The following FAM117A variants were observed in gnomAD, a reference collection of about 807,000 sequenced individuals.
The protein encoded by FAM117A is protein FAM117A.
A neutral mutation model predicts 44.1 loss-of-function variants in FAM117A; 21 were observed. The ratio of observed to expected loss-of-function variants is 0.48; its 90% CI spans 0.34 to 0.69. FAM117A has a LOEUF of 0.69. Among genes scored for constraint, FAM117A ranks in the 30% least tolerant of loss-of-function variants. FAM117A has a pLI of 0.01. For missense variants in FAM117A, 498 were observed against 589.9 expected (o/e 0.84, Z 1.61); for synonymous variants, 220 against 238.3 (o/e 0.92, Z 0.71).
At chr17:49,779,397 T>C (rs948198444) in intron 1 of FAM117A, among the ~76,000 whole-genome samples, 2 of 152,216 alleles carry the variant, frequency 1.3e-5, no homozygotes, top group African/African-American at 2.4e-5. Flanking sequence ...TGGCTGTCAC[T>C]GGGGAGCCCC....
chr17:49,788,817 G>T, upstream of FAM117A: 1 of 1,582,900 alleles, frequency 6.3e-7, no homozygotes, highest in East Asian at 2.4e-5. Flanking sequence ...CGGAACCGTC[G>T]GGCCGCAGCC....
At chr17:49,783,365 C>T (rs996560702) in intron 1 of FAM117A, among the ~76,000 whole-genome samples, 8 of 151,556 alleles carry the variant, frequency 5.3e-5, no homozygotes, top group African/African-American at 1.2e-4. Flanking sequence ...AGATGAAGGG[C>T]AGAGGTGGGA....
intron 1 of FAM117A, 76 bp from the exon 2 acceptor site, chr17:49,732,796 A>G: frequency 6.7e-7 from 1 of 1,495,328 alleles, no homozygotes. Flanking sequence ...TCCTCTTCTA[A>G]GAGATGTGGC....
rs967679314 is a variant in FAM117A at position 49,719,856 on chromosome 17, C to T, written c.612G>A (p.Leu204=). 1 of 1,607,524 alleles carries T rather than the reference C, an allele frequency of 6.2e-7. No individual in the cohort carries two copies. Among genetic ancestry groups the T allele is most frequent in the East Asian group, 2.2e-5 (1 of 44,484 alleles). ...TCCTGTGCAGGCAGGGGCTGAGTCG[C>T]AAGACAGGGGACCCTGAGGGGAAGC... The part of the protein sequence containing the change: ...PPSFPSGSPV[L]RLSPCLHRSL... The change falls in exon 5 of 8, where the codon TTG becomes TTA. Residue 204 remains leucine, a synonymous_variant. Transcript: ENST00000240364.
chr17:49,722,684 C>A, intron 2 of FAM117A, 90 bp from the exon 3 acceptor site: 1 of 984,542 alleles, frequency 1.0e-6, no homozygotes. Flanking sequence ...AGGTGATGGC[C>A]CTTTGAGCCC....
intron 1 of FAM117A, among the ~76,000 whole-genome samples, chr17:49,782,162 T>G (rs2073791418): frequency 6.6e-6 from 1 of 150,670 alleles, no homozygotes. Flanking sequence ...GATCACGAGG[T>G]CAGGAGATCG....
intron 1 of FAM117A, among the ~76,000 whole-genome samples, chr17:49,770,361 A>T (rs1372680270): frequency 6.6e-6 from 1 of 152,042 alleles, no homozygotes; most frequent in Non-Finnish European, 1.5e-5. Flanking sequence ...GCATGAATCG[A>T]CCTTGAAAAA....
chr17:49,784,077 C>A (rs912306620), intron 1 of FAM117A, among the ~76,000 whole-genome samples: 1 of 152,212 alleles, frequency 6.6e-6, no homozygotes, highest in African/African-American at 2.4e-5. Context: ...AGGCAAGGCT[C>A]CTAACCTCTG....
intron 1 of FAM117A, among the ~76,000 whole-genome samples, chr17:49,738,795 A>C (rs1469769825): frequency 6.6e-6 from 1 of 152,206 alleles, no homozygotes; most frequent in Non-Finnish European, 1.5e-5. Flanking sequence ...GAAATAAGGG[A>C]GGGGACTTTT....
In FAM117A at chr17:49,720,429, T is replaced by C; in HGVS notation, c.470A>G (p.Lys157Arg). Reference protein sequence around the residue: ...GSTDHRKEISKLKQQLQRTKL... With the variant: ...GSTDHRKEISRLKQQLQRTKL... ...CGTCCTCTGCAGTTGTTGCTTCAAC[T>C]TGGAAATCTAGCAGCCCAGAGAGAA... Residue 157 changes from lysine to arginine, a missense_variant, in exon 4 of 8, where the codon AAG becomes AGG. Transcript: ENST00000240364. The C allele has an allele frequency of 1.9e-6, 3 of 1,613,020 alleles. No individual in the cohort carries two copies. Among genetic ancestry groups the C allele is most frequent in the Non-Finnish European group, 2.5e-6 (3 of 1,179,980 alleles).
chr17:49,723,669 GA>G (rs545103982), intron 2 of FAM117A, among the ~76,000 whole-genome samples: 16 of 152,006 alleles, frequency 1.1e-4, no homozygotes, highest in African/African-American at 3.9e-4. Context: ...GGAGGACGGG[GA>G]AAAAAACCCA....
intron 1 of FAM117A, among the ~76,000 whole-genome samples, chr17:49,745,666 G>A (rs1350869077): frequency 2.0e-5 from 3 of 152,178 alleles, no homozygotes; most frequent in Non-Finnish European, 4.4e-5. Flanking sequence ...AGGAAATACA[G>A]GGGATAGAGG....
chr17:49,736,271 T>C (rs1309470240), intron 1 of FAM117A, among the ~76,000 whole-genome samples: 1 of 152,090 alleles, frequency 6.6e-6, no homozygotes, highest in Non-Finnish European at 1.5e-5. Flanking sequence ...TTTTTTTTTT[T>C]TTTGAGACGG....
Position 49,711,368 on chromosome 17 carries a change from G to A in FAM117A, c.1249C>T (p.Pro417Ser). 1 of 1,611,124 alleles carries A rather than the reference G, an allele frequency of 6.2e-7. No individual in the cohort carries two copies. The highest frequency in any genetic ancestry group is 8.5e-7 in the Non-Finnish European group (1 of 1,178,598). Reference protein sequence around the residue: ...SPLPPASPRPPPRKDPEASKA... With the variant: ...SPLPPASPRPSPRKDPEASKA... ...GAGGCTTCCGGATCCTTCCGAGGTG[G>A]TGGCCTGGGGCTGGCCGGGGGAAGG... Residue 417 changes from proline to serine, a missense_variant, in exon 8 of 8, where the codon CCA (proline) becomes TCA (serine). By Grantham distance (74) the Pro-to-Ser change is moderately conservative. Around this residue, in one of 3 missense-constraint regions of FAM117A, gnomAD observed 224 missense variants for 296.5 expected, o/e 0.76. Coordinates refer to ENST00000240364, the MANE Select transcript of FAM117A (RefSeq NM_030802.4).
chr17:49,724,226 C>T (rs2073548732), intron 2 of FAM117A, among the ~76,000 whole-genome samples: 1 of 152,164 alleles, frequency 6.6e-6, no homozygotes, highest in Non-Finnish European at 1.5e-5. Context: ...CTCCTCAAGG[C>T]TCCAGGACCA....
intron 1 of FAM117A, among the ~76,000 whole-genome samples, chr17:49,772,555 T>TC (rs1396062523): frequency 6.7e-6 from 1 of 150,262 alleles, no homozygotes; most frequent in Non-Finnish European, 1.5e-5. Flanking sequence ...ATCGAGACCA[T>TC]CCTGGCTAAC....
rs192931187 is a variant in FAM117A, at chr17:49,776,710, A to G, written c.-621+11787T>C. On this transcript the variant is annotated intron_variant, in intron 1 of 7. Transcript: ENST00000513602. ...CCATGAAGGAGAAACCAGAAGATTA[A>G]AGGAGGAGGAGGCTGGCGCTGCCCT... 7.9e-4 allele frequency among the ~76,000 whole-genome samples: 120 copies of G among 152,268 alleles called. No homozygotes were observed. In the Middle Eastern group the frequency reaches 0.01, roughly 13 times the overall value.
At chr17:49,727,266 G>A (rs1598022962) in intron 2 of FAM117A, among the ~76,000 whole-genome samples, 1 of 152,030 alleles carries the variant, frequency 6.6e-6, no homozygotes. Context: ...CAATTGGCCG[G>A]GCATGGTTGC....
chr17:49,741,986 A>G (rs2073636384), intron 1 of FAM117A, among the ~76,000 whole-genome samples: 1 of 152,188 alleles, frequency 6.6e-6, no homozygotes, highest in Admixed American at 6.5e-5. Flanking sequence ...AAAAAATTAA[A>G]TCTGGAGCTG....
Sources: allele counts gnomAD v4.1 joint callset (sites outside exome capture counted in the v4.1 genomes callset), GRCh38; gene constraint gnomAD v4.1.1; regional missense constraint gnomAD v4.1.1; transcripts MANE v1.5; gene names NCBI Gene and HGNC (gene_info 2026-07-23, HGNC 2026-07-21).